The following ARHGAP6 variants were observed in gnomAD, a reference collection of about 807,000 sequenced individuals.
ARHGAP6 encodes rho GTPase-activating protein 6.
Under a neutral mutation model 55.7 loss-of-function variants are expected in ARHGAP6, and 16 were observed. The observed-to-expected ratio is 0.29, with a 90% CI of 0.19 to 0.44. The LOEUF is 0.44. ARHGAP6 is among the 20% of genes least tolerant of loss of function. ARHGAP6 has a pLI of 1.00. For synonymous variants in ARHGAP6, 382 were observed against 360.9 expected, an observed-to-expected ratio of 1.06 and a Z score of -0.66; for missense variants, 698 against 808.9, an observed-to-expected ratio of 0.86 and a Z score of 1.66.
intron 1 of ARHGAP6, among the ~76,000 whole-genome samples, chrX:11,341,077 G>T (rs1431089822): frequency 9.8e-6 from 1 of 101,941 alleles, no homozygotes; most frequent in Non-Finnish European, 2.0e-5. Context: ...TGGGGGTGGG[G>T]GGTGGTATAT....
intron 9 of ARHGAP6, among the ~76,000 whole-genome samples, chrX:11,159,752 C>G (rs2045915289): frequency 9.0e-6 from 1 of 111,247 alleles, no homozygotes; most frequent in Admixed American, 9.6e-5. Flanking sequence ...ATTTAAGAGG[C>G]ACATATAGAT....
At chrX:11,353,461 G>A (rs2048886584) in intron 1 of ARHGAP6, among the ~76,000 whole-genome samples, 1 of 111,109 alleles carries the variant, frequency 9.0e-6, no homozygotes, top group Non-Finnish European at 1.9e-5. Context: ...AACTTGGCCA[G>A]TGCTTAGAAG....
At chrX:11,140,993 G>A (rs1432773486) in intron 12 of ARHGAP6, among the ~76,000 whole-genome samples, 1 of 111,642 alleles carries the variant, frequency 9.0e-6, no homozygotes, top group African/African-American at 3.3e-5. Flanking sequence ...TGAAACAGGT[G>A]ACAGCTGAAA....
At chrX:11,222,533 T>C (rs1316018813) in intron 2 of ARHGAP6, among the ~76,000 whole-genome samples, 2 of 112,331 alleles carry the variant, frequency 1.8e-5, no homozygotes, top group Admixed American at 9.4e-5. Context: ...TTCCTTGCAG[T>C]AATACAGTTT....
At chrX:11,638,013 T>G (rs1041008275) in intron 1 of ARHGAP6, among the ~76,000 whole-genome samples, 12 of 111,507 alleles carry the variant, frequency 1.1e-4, no homozygotes, top group Non-Finnish European at 1.5e-4. Flanking sequence ...GAAATCTTAT[T>G]TTTAATTCCC....
At chrX:11,423,800 G>C (rs1219163192) in intron 1 of ARHGAP6, among the ~76,000 whole-genome samples, 4 of 111,740 alleles carry the variant, frequency 3.6e-5, no homozygotes, top group Non-Finnish European at 7.5e-5. Context: ...GATTCCTGAT[G>C]GTGACTGTAT....
chrX:11,648,008 A>G (rs1269638403), intron 1 of ARHGAP6, among the ~76,000 whole-genome samples: 1 of 112,408 alleles, frequency 8.9e-6, no homozygotes, highest in East Asian at 2.8e-4. Flanking sequence ...GGAAAAACTG[A>G]TAAAAATCCA....
chrX:11,496,229 C>T (rs1156640071), intron 1 of ARHGAP6, among the ~76,000 whole-genome samples: 3 of 112,428 alleles, frequency 2.7e-5, no homozygotes, highest in Admixed American at 9.4e-5. Context: ...ATATCTAATG[C>T]CATGCTTATG....
intron 1 of ARHGAP6, among the ~76,000 whole-genome samples, chrX:11,397,159 G>A: frequency 9.0e-6 from 1 of 111,706 alleles, no homozygotes. Context: ...CAAAGCTGTG[G>A]ACATGTCAGG....
chrX:11,653,614 C>T (rs1399349754), intron 1 of ARHGAP6, among the ~76,000 whole-genome samples: 2 of 112,367 alleles, frequency 1.8e-5, no homozygotes, highest in African/African-American at 6.5e-5. Flanking sequence ...GTACTTCCTA[C>T]GTGCTGGGCA....
At position 11,251,189 on chromosome X, in the gene ARHGAP6, G is replaced by A. The variant is rs182045546; in HGVS notation, c.748+3359C>T. ...TTCCTCAAACCTCCAGGACCTCTTC[G>A]CCATCCTCACGCCTAGTGGATTAAA... On this transcript the variant is annotated intron_variant, in intron 2 of 12. Coordinates refer to ENST00000337414, the MANE Select transcript of ARHGAP6 (RefSeq NM_013427.3). 1.2e-4 allele frequency among the ~76,000 whole-genome samples: 13 copies of A among 111,012 alleles called. No homozygotes were observed. In the East Asian group the frequency reaches 3.1e-3, roughly 27 times the overall value.
intron 1 of ARHGAP6, among the ~76,000 whole-genome samples, chrX:11,527,374 G>A (rs1361021314): frequency 8.9e-6 from 1 of 112,056 alleles, no homozygotes; most frequent in African/African-American, 3.2e-5. Context: ...AGCACTTTGG[G>A]AGGCTGAGAT....
At chrX:11,412,002 T>C (rs1267481193) in intron 1 of ARHGAP6, among the ~76,000 whole-genome samples, 2 of 111,454 alleles carry the variant, frequency 1.8e-5, no homozygotes, top group Non-Finnish European at 3.8e-5. Flanking sequence ...TCTGTTCCTA[T>C]GGATTTCTGG....
rs553576071 is a variant in ARHGAP6 at position 11,484,682 on chromosome X, G to A, written c.588+179559C>T. On this transcript the variant is annotated intron_variant, in intron 1 of 12. Coordinates refer to ENST00000337414, the MANE Select transcript of ARHGAP6 (RefSeq NM_013427.3). ...TGGGATTCTAAAAAGCTTAATGGCTGTATCATTCATTAAGTATCTGTTGAG... is the reference window on the plus strand; with the variant it reads ...TGGGATTCTAAAAAGCTTAATGGCTATATCATTCATTAAGTATCTGTTGAG... 1.3e-3 allele frequency among the ~76,000 whole-genome samples: 145 copies of A among 111,769 alleles called. 2 individuals are homozygous for A. The South Asian group carries it at 0.053, about 41-fold the overall frequency.
At chrX:11,328,603 A>C (rs1453805571) in intron 1 of ARHGAP6, among the ~76,000 whole-genome samples, 1 of 112,210 alleles carries the variant, frequency 8.9e-6, no homozygotes, top group Non-Finnish European at 1.9e-5. Flanking sequence ...CACTGGCTAA[A>C]ATCCAAAGGT....
chrX:11,381,339 T>C (rs1003078520), intron 1 of ARHGAP6, among the ~76,000 whole-genome samples: 13 of 112,494 alleles, frequency 1.2e-4, no homozygotes, highest in Middle Eastern at 4.6e-3. Flanking sequence ...TCATGAAGCT[T>C]AAAATCTAGT....
chrX:11,199,300 G>A (rs1399386661), intron 2 of ARHGAP6, among the ~76,000 whole-genome samples: 1 of 111,985 alleles, frequency 8.9e-6, no homozygotes. Context: ...TCCCTGAGAC[G>A]GTGGTTCTTA....
intron 1 of ARHGAP6, among the ~76,000 whole-genome samples, chrX:11,381,888 G>A (rs965455903): frequency 5.4e-5 from 6 of 112,144 alleles, no homozygotes; most frequent in Non-Finnish European, 7.5e-5. Flanking sequence ...GTCAAGAGAC[G>A]ACAAAGTTAA....
intron 1 of ARHGAP6, among the ~76,000 whole-genome samples, chrX:11,625,100 T>C (rs2052279506): frequency 9.0e-6 from 1 of 111,473 alleles, no homozygotes; most frequent in Admixed American, 9.5e-5. Context: ...ACAATATGAA[T>C]TTTCAAAAAC....
Sources: allele counts gnomAD v4.1 joint callset (sites outside exome capture counted in the v4.1 genomes callset), GRCh38; gene constraint gnomAD v4.1.1; transcripts MANE v1.5; gene names NCBI Gene and HGNC (gene_info 2026-07-23, HGNC 2026-07-21).